The following CELF2 variants were observed in gnomAD, a reference collection of about 807,000 sequenced individuals.
CELF2 encodes CUG triplet repeat RNA-binding protein 2.
In CELF2, 8 loss-of-function variants were observed where a neutral mutation model predicts 62.6. That is an observed-to-expected ratio of 0.13 (90% confidence interval 0.07 to 0.23). CELF2 has a LOEUF of 0.23. Among genes scored for constraint, CELF2 ranks in the 10% least tolerant of loss-of-function variants. The pLI is 1.00. For synonymous variants in CELF2, 258 were observed against 250.0 expected, an observed-to-expected ratio of 1.03 and a Z score of -0.30; for missense variants, 333 against 671.0, an observed-to-expected ratio of 0.50 and a Z score of 5.56.
chr10:11,275,652 T>C (rs984032789), intron 8 of CELF2, among the ~76,000 whole-genome samples: 7 of 152,234 alleles, frequency 4.6e-5, no homozygotes, highest in East Asian at 1.9e-4. Flanking sequence ...GACAGAATCA[T>C]GCATCAGAAG....
chr10:10,985,098 G>A lies in CELF2; in HGVS notation c.89+65099G>A, dbSNP rs1007573019. Among the ~76,000 whole-genome samples the A allele has an allele frequency of 1.3e-4, 20 of 152,168 alleles. No individual in the cohort carries two copies. The South Asian group carries it at 2.5e-3, about 19-fold the overall frequency. ...TTTGGCTGGGAATTAGGAAAATTTC[G>A]TTCTATGTATAACATCTACGAAGAT... is the stretch of plus-strand genomic sequence containing the variant. On this transcript the variant is annotated intron_variant, in intron 2 of 13. Transcript: ENST00000636488.
At position 11,330,498 on chromosome 10, in the gene CELF2, C is replaced by T. The variant is rs1448122851; in HGVS notation, c.*1445C>T. On this transcript the variant is annotated 3_prime_UTR_variant, in exon 13 of 13. Transcript: ENST00000633077. This position sits in a 1 kb window ranked among gnomAD's most constrained non-coding sequence, Gnocchi z 4.5. ...AGTTCATCGTTTGCCTAGCATGTCC[C>T]TGTGGCGTCTCAAAAAAAAGTTTCA... The T allele has an allele frequency of 1.3e-5, 2 of 152,534 alleles. No individual in the cohort carries two copies. Among genetic ancestry groups the T allele is most frequent in the East Asian group, 1.9e-4 (1 of 5,192 alleles). The allele number at this position is 152,534 out of a possible 1,614,324, so 9.4% of individuals were successfully genotyped here.
the CELF2 span, among the ~76,000 whole-genome samples, chr10:10,472,018 T>G: frequency 6.6e-6 from 1 of 150,422 alleles, no homozygotes. Context: ...TCTAGCTGAA[T>G]TCAAGATTTT....
At chr10:10,672,411 A>T in the CELF2 span, among the ~76,000 whole-genome samples, 2 of 150,068 alleles carry the variant, frequency 1.3e-5, no homozygotes, top group African/African-American at 2.4e-5. Context: ...GGAGTTTTAT[A>T]ATTTTGCATT....
chr10:10,751,114 T>A, the CELF2 span, among the ~76,000 whole-genome samples: 1 of 152,268 alleles, frequency 6.6e-6, no homozygotes, highest in South Asian at 2.1e-4. Flanking sequence ...CTCACTGTGC[T>A]AACAATAGCT....
chr10:10,469,587 A>G, the CELF2 span, among the ~76,000 whole-genome samples: 1 of 151,908 alleles, frequency 6.6e-6, no homozygotes, highest in Non-Finnish European at 1.5e-5. Context: ...TTTTTTCATG[A>G]AAGATACCAG....
the CELF2 span, among the ~76,000 whole-genome samples, chr10:10,725,905 A>T: frequency 6.6e-6 from 1 of 152,184 alleles, no homozygotes. Context: ...AATTAAAAAA[A>T]AAAAGAGTTC....
In CELF2 at chr10:10,972,421, T is replaced by C. The variant is rs901756105; in HGVS notation, c.89+52422T>C. On this transcript the variant is annotated intron_variant, in intron 2 of 13. Transcript: ENST00000636488. This position sits in a 1 kb window ranked among gnomAD's most constrained non-coding sequence, Gnocchi z 4.4. Reference sequence around the variant, plus strand: ...TCCTCTGGGTATTCCCTCTGGGAAATGCTGCTCTTCAAACTTGATTTCCCC... The same window carrying C: ...TCCTCTGGGTATTCCCTCTGGGAAACGCTGCTCTTCAAACTTGATTTCCCC... Among the ~76,000 whole-genome samples, 8 of 152,206 alleles carry C rather than the reference T, an allele frequency of 5.3e-5. No homozygotes were observed. Among genetic ancestry groups the C allele is most frequent in the Non-Finnish European group, 1.0e-4 (7 of 68,032 alleles).
In CELF2 at chr10:11,223,006, G is replaced by A. The variant is rs368550654; in HGVS notation, c.354+5499G>A. 5.9e-5 allele frequency among the ~76,000 whole-genome samples: 9 copies of A among 152,288 alleles called. No individual in the cohort carries two copies. In the East Asian group the frequency reaches 7.7e-4, roughly 13 times the overall value. On this transcript the variant is annotated intron_variant, in intron 3 of 12. Coordinates refer to ENST00000633077, the MANE Select transcript of CELF2 (RefSeq NM_001326342.2). The surrounding 1 kb of genome is among the most constrained non-coding windows in gnomAD (Gnocchi z 5.1). The stretch of plus-strand genomic sequence containing the variant: ...GAAGATGAAAGTTAAAGTCCTCCCC[G>A]TTCTCTGTGCAGCCTGCTGGCTTAG...
intron 2 of CELF2, among the ~76,000 whole-genome samples, chr10:11,197,404 A>G (rs2058242710): frequency 6.6e-6 from 1 of 152,248 alleles, no homozygotes; most frequent in Non-Finnish European, 1.5e-5. Context: ...CTCAAGTTTC[A>G]GTTCCCATAA....
rs2096044773 is a variant in CELF2, at chr10:11,332,412, AGCCCTTTCCCAGCCTTTT to A, written c.*3360_*3377del. On this transcript the variant is annotated 3_prime_UTR_variant, in exon 13 of 13. Coordinates refer to ENST00000633077, the MANE Select transcript of CELF2 (RefSeq NM_001326342.2). ...CAGGTGTCTGGAGTTAGAAGCCCAT[AGCCCTTTCCCAGCCTTTT>A]TGGTTTTTTTAATTGAACACATTTC... The A allele has an allele frequency of 6.6e-6, 1 of 152,424 alleles. No individual in the cohort carries two copies. The highest frequency in any genetic ancestry group is 2.4e-5 in the African/African-American group (1 of 41,428). 9.4% of individuals were successfully genotyped at this position (152,424 alleles called of 1,614,324 possible). A position where few individuals can be genotyped will look rare whatever the true frequency, so the allele number is the denominator to read the frequency against.
chr10:10,835,424 C>T (rs2058204953), intron 1 of CELF2, among the ~76,000 whole-genome samples: 1 of 151,550 alleles, frequency 6.6e-6, no homozygotes, highest in Admixed American at 6.6e-5. Context: ...GCTCTGTCAC[C>T]CAGGCTGGAG....
chr10:10,698,802 G>A, the CELF2 span, among the ~76,000 whole-genome samples: 1 of 152,120 alleles, frequency 6.6e-6, no homozygotes, highest in Non-Finnish European at 1.5e-5. Context: ...CAAAAGGAAG[G>A]GTGTCTAGAG....
chr10:10,850,073 T>C (rs981448784), intron 1 of CELF2, among the ~76,000 whole-genome samples: 6 of 151,966 alleles, frequency 3.9e-5, no homozygotes, highest in African/African-American at 1.4e-4. Flanking sequence ...CGCTTGAACC[T>C]GGGAGGCGGA....
intron 1 of CELF2, among the ~76,000 whole-genome samples, chr10:11,112,504 A>G (rs2055455789): frequency 6.6e-6 from 1 of 152,232 alleles, no homozygotes; most frequent in South Asian, 2.1e-4. Flanking sequence ...CATGAGAGGG[A>G]CTAGAACCGT....
intron 1 of CELF2, among the ~76,000 whole-genome samples, chr10:10,881,045 A>G (rs945207541): frequency 6.6e-6 from 1 of 152,096 alleles, no homozygotes; most frequent in African/African-American, 2.4e-5. Flanking sequence ...TGCTACAGTA[A>G]ATAGATTCTT....
intron 1 of CELF2, among the ~76,000 whole-genome samples, chr10:10,899,540 G>A (rs973495905): frequency 2.0e-5 from 3 of 152,158 alleles, no homozygotes; most frequent in Non-Finnish European, 2.9e-5. Context: ...AATTGTCTAT[G>A]TCATGGTTTT....
upstream of CELF2, among the ~76,000 whole-genome samples, chr10:11,015,455 T>C (rs2057119552): frequency 6.6e-6 from 1 of 152,222 alleles, no homozygotes; most frequent in African/African-American, 2.4e-5. The surrounding 1 kb of genome is among the most constrained non-coding windows in gnomAD (Gnocchi z 4.8). Context: ...CCCTCTGGTA[T>C]CTACATCAAG....
chr10:11,213,605 A>G (rs904073569), intron 2 of CELF2, among the ~76,000 whole-genome samples: 1 of 152,220 alleles, frequency 6.6e-6, no homozygotes, highest in Admixed American at 6.5e-5. Context: ...AATATTTTAC[A>G]GGAGCATATT....
Sources: gnomAD v4.1 joint callset for allele counts (sites outside exome capture counted in the v4.1 genomes callset) on GRCh38, gnomAD v4.1.1 for gene constraint, Gnocchi (gnomAD v3.1) non-coding constraint, MANE v1.5 for transcripts, NCBI Gene and HGNC (gene_info 2026-07-23, HGNC 2026-07-21) for gene names.